MPRIP: variants seen among roughly 807,000 people sequenced by gnomAD.
The protein encoded by MPRIP is myosin phosphatase Rho-interacting protein.
Under a neutral mutation model 234.9 loss-of-function variants are expected in MPRIP, and 59 were observed. That is an observed-to-expected ratio of 0.25 (90% confidence interval 0.20 to 0.31). MPRIP has a LOEUF of 0.31. Among genes scored for constraint, MPRIP ranks in the 10% least tolerant of loss-of-function variants. MPRIP has a pLI of 1.00. For synonymous variants in MPRIP, 1,144 were observed against 1,263.9 expected (o/e 0.91, Z 2.01); for missense variants, 2,436 against 3,071.0 (o/e 0.79, Z 4.89).
chr17:17,073,856 C>A (rs990814949), intron 1 of MPRIP, among the ~76,000 whole-genome samples: 2 of 152,170 alleles, frequency 1.3e-5, no homozygotes, highest in African/African-American at 2.4e-5. Context: ...ACTCCTTGGC[C>A]CTCCTGGACT....
At chr17:17,143,528 A>C (rs777525495) in intron 8 of MPRIP, 28 bp from the exon 9 acceptor site, 2 of 1,511,620 alleles carry the variant, frequency 1.3e-6, no homozygotes, top group Admixed American at 3.6e-5. Context: ...CCTGGGCTGC[A>C]CTGACCAGCG....
At chr17:17,070,964 C>T (rs1027789174) in intron 1 of MPRIP, among the ~76,000 whole-genome samples, 2 of 152,336 alleles carry the variant, frequency 1.3e-5, no homozygotes, top group East Asian at 3.9e-4. Flanking sequence ...GTCCATCCCT[C>T]GGCCTCCACT....
chr17:17,053,696 T>C (rs935383489), intron 1 of MPRIP, among the ~76,000 whole-genome samples: 5 of 152,176 alleles, frequency 3.3e-5, no homozygotes, highest in Non-Finnish European at 7.3e-5. Context: ...CACTGTGATT[T>C]TGTGGGCAAG....
chr17:17,048,626 C>T (rs774888514), intron 1 of MPRIP, among the ~76,000 whole-genome samples: 2 of 152,044 alleles, frequency 1.3e-5, no homozygotes, highest in Non-Finnish European at 2.9e-5. Flanking sequence ...ATTGAAACCA[C>T]AGTGAGATAT....
In MPRIP at chr17:17,164,294, C is replaced by A. The variant is rs778950979; in HGVS notation, c.2703C>A (p.Ser901Arg). 45 of 1,304,036 alleles carry A rather than the reference C, an allele frequency of 3.5e-5. No homozygotes were observed. The highest frequency in any genetic ancestry group is 4.0e-5 in the Non-Finnish European group (40 of 988,976). 80.8% of individuals were successfully genotyped at this position (1,304,036 alleles called of 1,614,324 possible). Reference sequence around the variant, plus strand: ...GGCACCACGAGGCTGAGATCCGGAGCCTTCAGGCACGGCTCAGCAATGCGG... The same window carrying A: ...GGCACCACGAGGCTGAGATCCGGAGACTTCAGGCACGGCTCAGCAATGCGG... ...TIRHHEAEIR[S>R]LQARLSNAAA... The change falls in exon 16 of 24, where the codon AGC (serine) becomes AGA (arginine). Residue 901 changes from serine to arginine, a missense_variant. Transcript: ENST00000651222.
chr17:17,094,553 G>C (rs1040720730), intron 3 of MPRIP, among the ~76,000 whole-genome samples: 1 of 151,052 alleles, frequency 6.6e-6, no homozygotes, highest in South Asian at 2.1e-4. Flanking sequence ...AGTCCAGAGT[G>C]TGTCTTATAT....
At chr17:17,110,859 CAG>C (rs897269386) in intron 3 of MPRIP, among the ~76,000 whole-genome samples, 13 of 152,112 alleles carry the variant, frequency 8.5e-5, no homozygotes, top group African/African-American at 3.1e-4. Flanking sequence ...AAAGGAGCCT[CAG>C]GGGACAGGAC....
At chr17:17,086,980 T>A (rs1210790791) in intron 3 of MPRIP, among the ~76,000 whole-genome samples, 4 of 152,168 alleles carry the variant, frequency 2.6e-5, no homozygotes, top group Non-Finnish European at 5.9e-5. Context: ...CCCAGTCTTA[T>A]AAGTCTCTTG....
intron 3 of MPRIP, among the ~76,000 whole-genome samples, chr17:17,115,407 GGT>G (rs2090264195): frequency 6.6e-6 from 1 of 152,224 alleles, no homozygotes; most frequent in Non-Finnish European, 1.5e-5. Context: ...GGAGAGGTGG[GGT>G]GTAGAGGGCC....
At chr17:17,143,191 C>G (rs889633543) in intron 8 of MPRIP, among the ~76,000 whole-genome samples, 1 of 152,202 alleles carries the variant, frequency 6.6e-6, no homozygotes, top group Non-Finnish European at 1.5e-5. Context: ...CTCATCTTCT[C>G]CTGGCTTCTC....
intron 23 of MPRIP, among the ~76,000 whole-genome samples, chr17:17,180,854 A>G (rs532115664): frequency 6.6e-6 from 1 of 152,360 alleles, no homozygotes; most frequent in African/African-American, 2.4e-5. Flanking sequence ...TGACCCTGGC[A>G]GTGAGGTGCT....
intron 23 of MPRIP, 46 bp downstream of exon 23, chr17:17,180,134 C>A: frequency 1.4e-6 from 2 of 1,452,992 alleles, no homozygotes; most frequent in South Asian, 2.6e-5. Flanking sequence ...TTGAGGGACA[C>A]TGGGGAGAGT....
Position 17,143,576 on chromosome 17 carries a change from C to T in MPRIP, c.1410C>T (p.Pro470=). The T allele has an allele frequency of 6.2e-7, 1 of 1,600,306 alleles. No homozygotes were observed. The highest frequency in any genetic ancestry group is 8.5e-7 in the Non-Finnish European group (1 of 1,173,624). ...PRKRDFTNEA[P]PAPLPDASAS... is the part of the protein sequence containing the mutation. ...CACAGGACTTCACCAATGAAGCCCC[C>T]CCAGCTCCTCTCCCAGACGCCTCGG... is the stretch of plus-strand genomic sequence containing the variant. Residue 470 remains proline, a synonymous_variant, in exon 9 of 24, where the codon CCC becomes CCT. Coordinates refer to ENST00000651222, the MANE Select transcript of MPRIP (RefSeq NM_001364716.4).
rs952123057 is a variant in MPRIP at position 17,188,205 on chromosome 17, G to A, written c.*3311G>A. On this transcript the variant is annotated 3_prime_UTR_variant, in exon 24 of 24. Transcript: ENST00000651222. ...GAGTGGATCATTGGGCAGGGGTGGA[G>A]ACAGTGCGCTGCCCTCTGAGCTGGA... 9 of 152,324 alleles carry A rather than the reference G, an allele frequency of 5.9e-5. No homozygotes were observed. Among genetic ancestry groups the A allele is most frequent in the Non-Finnish European group, 1.0e-4 (7 of 68,112 alleles). 9.4% of individuals were successfully genotyped at this position (152,324 alleles called of 1,614,324 possible).
rs572796729 is a variant in MPRIP at position 17,044,133 on chromosome 17, A to G, written c.123+1162A>G. On this transcript the variant is annotated intron_variant, in intron 1 of 23. Coordinates refer to ENST00000651222, the MANE Select transcript of MPRIP (RefSeq NM_001364716.4). ...GCCTTTCTCTGAGGTCAGGTTTCCA[A>G]CTGCCAGGAAAAGATTCCTTTCATC... Among the ~76,000 whole-genome samples, 27 of 152,324 alleles carry G rather than the reference A, an allele frequency of 1.8e-4. No homozygotes were observed. In the South Asian group the frequency reaches 5.4e-3, roughly 30 times the overall value.
chr17:17,166,231 C>T lies in MPRIP; in HGVS notation c.4640C>T (p.Ser1547Phe), dbSNP rs61744875. ...GGTEENGKPASLQQCSQSELT... is the reference protein window; with the variant it reads ...GGTEENGKPAFLQQCSQSELT... Reference sequence around the variant, plus strand: ...ACCGAGGAGAATGGGAAGCCTGCCTCCCTGCAGCAGTGCTCCCAGTCTGAG... The same window carrying T: ...ACCGAGGAGAATGGGAAGCCTGCCTTCCTGCAGCAGTGCTCCCAGTCTGAG... Residue 1547 changes from serine to phenylalanine, a missense_variant, in exon 16 of 24, where the codon TCC becomes TTC. Transcript: ENST00000651222. This position sits in a 1 kb window ranked among gnomAD's most constrained non-coding sequence, Gnocchi z 4.4. The T allele has an allele frequency of 2.8e-4, 359 of 1,303,670 alleles. 1 individual carries two copies. In the African/African-American group the frequency reaches 4.9e-3, roughly 18 times the overall value. 80.8% of individuals were successfully genotyped at this position (1,303,670 alleles called of 1,614,324 possible). A position where few individuals can be genotyped will look rare whatever the true frequency, so the allele number is the denominator to read the frequency against.
chr17:17,131,934 GT>G (rs2090604883), intron 5 of MPRIP, among the ~76,000 whole-genome samples: 1 of 152,204 alleles, frequency 6.6e-6, no homozygotes, highest in African/African-American at 2.4e-5. Flanking sequence ...CCCAAGGGAA[GT>G]TTCCAGCCAG....
intron 3 of MPRIP, among the ~76,000 whole-genome samples, chr17:17,099,678 G>C (rs1489170418): frequency 6.6e-6 from 1 of 152,188 alleles, no homozygotes; most frequent in Non-Finnish European, 1.5e-5. Context: ...AGTGAGCCTT[G>C]ATTGCACCAC....
At chr17:17,119,932 TG>T (rs2090357044) in intron 3 of MPRIP, among the ~76,000 whole-genome samples, 1 of 152,202 alleles carries the variant, frequency 6.6e-6, no homozygotes, top group African/African-American at 2.4e-5. Flanking sequence ...ATGTGGGCCT[TG>T]GTTGGATGAG....
Sources: gnomAD v4.1 joint callset for allele counts (sites outside exome capture counted in the v4.1 genomes callset) on GRCh38, gnomAD v4.1.1 for gene constraint, Gnocchi (gnomAD v3.1) non-coding constraint, MANE v1.5 for transcripts, NCBI Gene and HGNC (gene_info 2026-07-23, HGNC 2026-07-21) for gene names.